CDH4: variants seen among roughly 807,000 people sequenced by gnomAD.
CDH4 encodes the protein cadherin-4.
Under a neutral mutation model 86.0 loss-of-function variants are expected in CDH4, and 33 were observed. The ratio of observed to expected loss-of-function variants is 0.38; its 90% confidence interval spans 0.29 to 0.51. The LOEUF is 0.51. CDH4 is among the 20% of genes least tolerant of loss of function. CDH4 has a pLI of 0.86. For synonymous variants in CDH4, 555 were observed against 549.4 expected (o/e 1.01, Z -0.14); for missense variants, 1,114 against 1,307.4 (o/e 0.85, Z 2.28).
At chr20:61,633,227 A>G (rs1285470105) in intron 2 of CDH4, among the ~76,000 whole-genome samples, 1 of 148,464 alleles carries the variant, frequency 6.7e-6, no homozygotes, top group Non-Finnish European at 1.5e-5. Context: ...TCATTCATTC[A>G]TTCATCCATC....
chr20:61,841,052 G>T (rs1305398866), intron 4 of CDH4, among the ~76,000 whole-genome samples: 3 of 152,174 alleles, frequency 2.0e-5, no homozygotes, highest in Admixed American at 6.5e-5. Context: ...TAGCAATAGC[G>T]CACAGTGAAT....
rs1014917869 is a variant in CDH4, at chr20:61,807,688, A to T, written c.576+34506A>T. ...TGTGAGAACAGCTGGGGAACTGTGG[A>T]CGGCTCTTCAGACTCAAACGGTGTG... On this transcript the variant is annotated intron_variant, in intron 4 of 15. Coordinates refer to ENST00000614565, the MANE Select transcript of CDH4 (RefSeq NM_001794.5). The surrounding 1 kb of genome is among the most constrained non-coding windows in gnomAD (Gnocchi z 4.5). 6.6e-6 allele frequency among the ~76,000 whole-genome samples: 1 copy of T among 152,160 alleles called. No homozygotes were observed. Among genetic ancestry groups the T allele is most frequent in the Admixed American group, 6.5e-5 (1 of 15,270 alleles).
In CDH4 at chr20:61,815,072, G is replaced by A. The variant is rs1358404827; in HGVS notation, c.577-29596G>A. 2.0e-5 allele frequency among the ~76,000 whole-genome samples: 3 copies of A among 152,176 alleles called. No individual in the cohort carries two copies. In the East Asian group the frequency reaches 5.8e-4, roughly 29 times the overall value. ...GACCTCTGAAATCATTGAATAGGAT[G>A]CTAGGAAATTCTGCACCCTGAGTTA... On this transcript the variant is annotated intron_variant, in intron 4 of 15. Coordinates refer to ENST00000614565, the MANE Select transcript of CDH4 (RefSeq NM_001794.5).
intron 13 of CDH4, among the ~76,000 whole-genome samples, chr20:61,931,446 C>T (rs571345551): frequency 5.9e-5 from 9 of 152,260 alleles, no homozygotes; most frequent in African/African-American, 1.2e-4. Context: ...ATCCTCCTCA[C>T]GACATCAGGC....
chr20:61,644,555 T>G (rs900217748), intron 2 of CDH4, among the ~76,000 whole-genome samples: 2 of 150,974 alleles, frequency 1.3e-5, no homozygotes, highest in African/African-American at 4.9e-5. Flanking sequence ...GAAGGGGAAC[T>G]GCCAGGATGA....
chr20:61,728,918 A>G (rs959353199), intron 2 of CDH4, among the ~76,000 whole-genome samples: 1 of 152,174 alleles, frequency 6.6e-6, no homozygotes, highest in African/African-American at 2.4e-5. Context: ...CCCAAGGAAC[A>G]CCCCTAGCCA....
intron 2 of CDH4, among the ~76,000 whole-genome samples, chr20:61,285,549 G>A (rs2084288954): frequency 6.6e-6 from 1 of 152,248 alleles, no homozygotes; most frequent in Non-Finnish European, 1.5e-5. Context: ...CTGCCACGGA[G>A]CATTTTTTGC....
chr20:61,706,166 C>G (rs898926163), intron 2 of CDH4, among the ~76,000 whole-genome samples: 4 of 152,218 alleles, frequency 2.6e-5, no homozygotes, highest in African/African-American at 9.7e-5. Context: ...GGCAACTGTT[C>G]TCTGTAAAAC....
At chr20:61,894,494 C>T (rs1276050711) in intron 7 of CDH4, among the ~76,000 whole-genome samples, 2 of 152,176 alleles carry the variant, frequency 1.3e-5, no homozygotes, top group Non-Finnish European at 1.5e-5. Context: ...ACTCAAGAAA[C>T]GAAGTCCCTC....
At chr20:61,760,378 G>T (rs1029453674) in intron 3 of CDH4, among the ~76,000 whole-genome samples, 2 of 152,166 alleles carry the variant, frequency 1.3e-5, no homozygotes, top group African/African-American at 2.4e-5. Context: ...CCACAGGTGC[G>T]CGGGGAGAGG....
At chr20:61,404,086 C>T (rs907551964) in intron 2 of CDH4, among the ~76,000 whole-genome samples, 1 of 152,192 alleles carries the variant, frequency 6.6e-6, no homozygotes. Flanking sequence ...CTCCCAGGAG[C>T]TGGGCACTGG....
At chr20:61,923,322 AAGAGC>A (rs1406422095) in intron 9 of CDH4, 124 bp from the exon 10 acceptor site, 4 of 922,368 alleles carry the variant, frequency 4.3e-6, no homozygotes, top group Non-Finnish European at 5.1e-6. Context: ...CTCCTGGCTA[AAGAGC>A]AGAGCAGAGA....
rs1980202080 is a variant in CDH4 at position 61,807,552 on chromosome 20, C to T, written c.576+34370C>T. Among the ~76,000 whole-genome samples the T allele has an allele frequency of 6.6e-6, 1 of 152,212 alleles. No homozygotes were observed. Among genetic ancestry groups the T allele is most frequent in the Non-Finnish European group, 1.5e-5 (1 of 68,038 alleles). ...CCCCGTCAAGGTGCAGCTGTGTCCA[C>T]CATCAGCGAGGGGAGTGTGACCAAG... On this transcript the variant is annotated intron_variant, in intron 4 of 15. Transcript: ENST00000614565. The surrounding 1 kb of genome is among the most constrained non-coding windows in gnomAD (Gnocchi z 4.5).
intron 4 of CDH4, among the ~76,000 whole-genome samples, chr20:61,783,205 G>A (rs7269072): frequency 0.026 from 3,913 of 152,298 alleles, 167 homozygotes; most frequent in African/African-American, 0.087. Context: ...AATACAAGGC[G>A]TCAATGATTC....
At chr20:61,707,045 G>C (rs868885) in intron 2 of CDH4, among the ~76,000 whole-genome samples, 14,133 of 152,262 alleles carry the variant, frequency 0.093, 705 homozygotes, top group East Asian at 0.19. Flanking sequence ...CTTCCGTGGC[G>C]GTACTCTCTC....
intron 4 of CDH4, among the ~76,000 whole-genome samples, chr20:61,801,114 A>G (rs6089509): frequency 0.87 from 133,083 of 152,220 alleles, 58,572 homozygotes; most frequent in East Asian, 0.99. Context: ...TTAGTCCTCA[A>G]GACGCCACAG....
intron 2 of CDH4, among the ~76,000 whole-genome samples, chr20:61,576,354 A>G (rs759789286): frequency 1.4e-4 from 22 of 152,140 alleles, no homozygotes; most frequent in Non-Finnish European, 3.1e-4. Context: ...CAGGGTTAGG[A>G]GAGAATAAAG....
chr20:61,320,811 G>C (rs1352496377), intron 2 of CDH4, among the ~76,000 whole-genome samples: 4 of 151,968 alleles, frequency 2.6e-5, no homozygotes, highest in African/African-American at 7.3e-5. Context: ...GTGCGCAGAG[G>C]TCCTGTGCTG....
At chr20:61,627,317 T>G (rs2086838281) in intron 2 of CDH4, among the ~76,000 whole-genome samples, 2 of 152,192 alleles carry the variant, frequency 1.3e-5, no homozygotes, top group African/African-American at 4.8e-5. Flanking sequence ...GGTGCCAGCC[T>G]GCCTGCCGGC....
Sources: allele counts gnomAD v4.1 joint callset (sites outside exome capture counted in the v4.1 genomes callset), GRCh38; gene constraint gnomAD v4.1.1; non-coding constraint Gnocchi (gnomAD v3.1); transcripts MANE v1.5; gene names NCBI Gene and HGNC (gene_info 2026-07-23, HGNC 2026-07-21).